Variants in DYM observed in about 807,000 individuals in gnomAD.
DYM encodes the protein dymeclin, also known as dyggve-Melchior-Clausen syndrome protein.
A neutral mutation model predicts 93.1 loss-of-function variants in DYM; 78 were observed. That is an observed-to-expected ratio of 0.84 (90% CI 0.70 to 1.01). The LOEUF (loss-of-function observed/expected upper bound fraction) is 1.01. Ranked by LOEUF, DYM falls within the 50% of genes least tolerant of loss-of-function variation. The pLI is 0.00. For synonymous variants in DYM, 321 were observed against 319.7 expected (o/e 1.00, Z -0.04); for missense variants, 789 against 845.0 (o/e 0.93, Z 0.82).
chr18:49,208,184 A>C (rs998276233), intron 14 of DYM, among the ~76,000 whole-genome samples: 3 of 141,882 alleles, frequency 2.1e-5, no homozygotes, highest in African/African-American at 8.1e-5. Context: ...CTCCATCTCA[A>C]AAAAAAAAAA....
At chr18:49,420,039 C>G (rs996694868) in intron 2 of DYM, among the ~76,000 whole-genome samples, 11 of 152,134 alleles carry the variant, frequency 7.2e-5, no homozygotes, top group African/African-American at 2.7e-4. Flanking sequence ...CCAGTATGAC[C>G]TTTCTCACCA....
intron 17 of DYM, among the ~76,000 whole-genome samples, chr18:49,049,021 C>T (rs1020339845): frequency 6.6e-6 from 1 of 152,182 alleles, no homozygotes; most frequent in African/African-American, 2.4e-5. Flanking sequence ...CAGTATATAG[C>T]ATATGATAGT....
At position 49,264,545 on chromosome 18, in the gene DYM, T is replaced by C. The variant is rs1013515993; in HGVS notation, c.1252-6052A>G. Reference sequence around the variant, plus strand: ...GATTTTGTCACTTTTGCTACTCTGATAGGCACAGAATATTTCAGTTGCTTT... The same window carrying C: ...GATTTTGTCACTTTTGCTACTCTGACAGGCACAGAATATTTCAGTTGCTTT... On this transcript the variant is annotated intron_variant, in intron 11 of 17. Coordinates refer to ENST00000675505, the MANE Select transcript of DYM (RefSeq NM_001353214.3). 3.3e-5 allele frequency among the ~76,000 whole-genome samples: 5 copies of C among 152,332 alleles called. No individual in the cohort carries two copies. In the South Asian group the frequency reaches 6.2e-4, roughly 19 times the overall value.
At chr18:49,445,334 A>G (rs1296284201) in intron 1 of DYM, among the ~76,000 whole-genome samples, 1 of 152,216 alleles carries the variant, frequency 6.6e-6, no homozygotes, top group East Asian at 1.9e-4. Context: ...AAAGTGGCAC[A>G]TCAGGTTTTA....
At chr18:49,152,017 T>C (rs993919764) in intron 15 of DYM, among the ~76,000 whole-genome samples, 2 of 152,206 alleles carry the variant, frequency 1.3e-5, no homozygotes, top group African/African-American at 4.8e-5. Context: ...TTTTTAGAAA[T>C]CTATCACACG....
rs553820748 is a variant in DYM, at chr18:49,183,575, T to C, written c.1626-19788A>G. On this transcript the variant is annotated intron_variant, in intron 14 of 17. Transcript: ENST00000675505. ...ATATTTACCACATTTTCAAGTTAAT[T>C]ATATACATTTTATTTCACTAAATAT... Among the ~76,000 whole-genome samples the C allele has an allele frequency of 2.0e-5, 3 of 152,290 alleles. No homozygotes were observed. The South Asian group carries it at 6.2e-4, about 32-fold the overall frequency.
chr18:49,196,936 A>G (rs2091508539), intron 14 of DYM, among the ~76,000 whole-genome samples: 1 of 152,170 alleles, frequency 6.6e-6, no homozygotes, highest in Non-Finnish European at 1.5e-5. Flanking sequence ...CAGAGAAAAA[A>G]AAGTAGAGAT....
At chr18:49,193,807 C>T (rs2091200140) in intron 14 of DYM, among the ~76,000 whole-genome samples, 1 of 152,184 alleles carries the variant, frequency 6.6e-6, no homozygotes, top group Non-Finnish European at 1.5e-5. Context: ...ATTCTCCTCT[C>T]CTTCTTCATC....
chr18:49,338,986 A>C (rs376911003), intron 6 of DYM, among the ~76,000 whole-genome samples: 5 of 152,258 alleles, frequency 3.3e-5, no homozygotes, highest in African/African-American at 9.6e-5. Flanking sequence ...GAAGAACACG[A>C]AACTAATATC....
rs1181552107 is a variant in DYM, at chr18:49,452,934, G to A, written c.-54+7464C>T. On this transcript the variant is annotated intron_variant, in intron 1 of 17. Coordinates refer to ENST00000675505, the MANE Select transcript of DYM (RefSeq NM_001353214.3). ...GTGAACAGACCAATCAGCACCCTGT[G>A]TCTAGGCTCAGGGTTTGAGGATGCA... 7.6e-5 allele frequency among the ~76,000 whole-genome samples: 10 copies of A among 132,232 alleles called. 2 individuals carry two copies. The East Asian group carries it at 1.8e-3, about 24-fold the overall frequency. The allele number at this position is 132,232 out of a possible 152,430, so 86.7% of individuals were successfully genotyped here. A position where few individuals can be genotyped will look rare whatever the true frequency, so the allele number is the denominator to read the frequency against.
chr18:49,200,587 C>T lies in DYM; in HGVS notation c.1625+8964G>A, dbSNP rs577397829. On this transcript the variant is annotated intron_variant, in intron 14 of 17. Coordinates refer to ENST00000675505, the MANE Select transcript of DYM (RefSeq NM_001353214.3). ...GTTGATAGGATATAGTTTATTTGAC[C>T]ATTCTTCTATTTTGTTCCTAAATAT... 1.1e-4 allele frequency among the ~76,000 whole-genome samples: 16 copies of T among 151,402 alleles called. No homozygotes were observed. In the South Asian group the frequency reaches 3.2e-3, roughly 30 times the overall value.
At chr18:49,452,534 A>G (rs568230102) in intron 1 of DYM, among the ~76,000 whole-genome samples, 2 of 152,250 alleles carry the variant, frequency 1.3e-5, no homozygotes, top group East Asian at 3.9e-4. Flanking sequence ...CCACCAGATT[A>G]GCTAGATACA....
At chr18:49,123,047 GTTT>G (rs1270600050) in intron 15 of DYM, among the ~76,000 whole-genome samples, 1 of 151,810 alleles carries the variant, frequency 6.6e-6, no homozygotes, top group Non-Finnish European at 1.5e-5. Flanking sequence ...ACTTATTTCT[GTTT>G]TTATTTCCTA....
At chr18:49,289,490 C>T (rs905375321) in intron 8 of DYM, among the ~76,000 whole-genome samples, 11 of 146,640 alleles carry the variant, frequency 7.5e-5, no homozygotes, top group African/African-American at 2.5e-4. Flanking sequence ...CTGCTTCAGC[C>T]CAGAAGTTGA....
intron 2 of DYM, among the ~76,000 whole-genome samples, chr18:49,405,662 T>G (rs979036410): frequency 2.0e-5 from 3 of 152,230 alleles, no homozygotes; most frequent in South Asian, 4.1e-4. Context: ...TCAGATAATG[T>G]GATGCCTCCA....
chr18:49,131,529 C>T (rs2144100624), intron 15 of DYM, among the ~76,000 whole-genome samples: 1 of 152,240 alleles, frequency 6.6e-6, no homozygotes, highest in Non-Finnish European at 1.5e-5. Context: ...CCAGTCTCTG[C>T]CTCTTCTTAT....
At chr18:49,444,758 C>T (rs572755227) in intron 1 of DYM, among the ~76,000 whole-genome samples, 16 of 152,210 alleles carry the variant, frequency 1.1e-4, no homozygotes, top group African/African-American at 2.9e-4. Context: ...ATTTGCTAAA[C>T]GTTAAGTATC....
At chr18:49,096,079 C>A (rs1353228038) in intron 17 of DYM, among the ~76,000 whole-genome samples, 1 of 152,068 alleles carries the variant, frequency 6.6e-6, no homozygotes, top group African/African-American at 2.4e-5. Flanking sequence ...AACCAACAAA[C>A]CAAGGTCTTA....
At chr18:49,292,536 G>T (rs1018771252) in intron 8 of DYM, among the ~76,000 whole-genome samples, 6 of 141,458 alleles carry the variant, frequency 4.2e-5, no homozygotes, top group African/African-American at 1.6e-4. Flanking sequence ...CTCTTTGCTG[G>T]TCCAAGCCTC....
Sources: gnomAD v4.1 joint callset for allele counts (sites outside exome capture counted in the v4.1 genomes callset) on GRCh38, gnomAD v4.1.1 for gene constraint, MANE v1.5 for transcripts, NCBI Gene and HGNC (gene_info 2026-07-23, HGNC 2026-07-21) for gene names.